The following ACO1 variants were observed in gnomAD, a reference collection of about 807,000 sequenced individuals.
The protein encoded by ACO1 is aconitase 1.
In ACO1, 78 loss-of-function variants were observed where a neutral mutation model predicts 105.1. The ratio of observed to expected loss-of-function variants is 0.74; its 90% CI spans 0.62 to 0.90. The LOEUF (loss-of-function observed/expected upper bound fraction) is 0.90. Ranked by LOEUF, ACO1 falls within the 40% of genes least tolerant of loss-of-function variation. The pLI, the probability that ACO1 is intolerant of heterozygous loss-of-function variation, is 0.00. For missense variants in ACO1, 965 were observed against 1,111.1 expected (o/e 0.87, Z 1.87); for synonymous variants, 364 against 397.4 (o/e 0.92, Z 1.00).
Position 32,422,781 on chromosome 9 carries a change from T to G in ACO1, c.971-538T>G, listed in dbSNP as rs1011283788. 4.6e-5 allele frequency among the ~76,000 whole-genome samples: 7 copies of G among 152,288 alleles called. No individual in the cohort carries two copies. In the East Asian group the frequency reaches 1.2e-3, roughly 25 times the overall value. ...GAGCCGCCATTTCCTTATCCATAAATGAGAATAATAATTGTACTTGTATCT... is the reference window on the plus strand; with the variant it reads ...GAGCCGCCATTTCCTTATCCATAAAGGAGAATAATAATTGTACTTGTATCT... On this transcript the variant is annotated intron_variant, in intron 8 of 20. Transcript: ENST00000309951.
intron 18 of ACO1, among the ~76,000 whole-genome samples, chr9:32,437,764 G>A (rs920634520): frequency 2.6e-5 from 4 of 152,050 alleles, no homozygotes; most frequent in African/African-American, 9.7e-5. Context: ...ATTTTCTGTT[G>A]CTATGAAATA....
chr9:32,398,016 CAAA>C (rs1158398821), intron 1 of ACO1, among the ~76,000 whole-genome samples: 2 of 152,010 alleles, frequency 1.3e-5, no homozygotes, highest in Non-Finnish European at 2.9e-5. Context: ...AACAAACAAA[CAAA>C]AAACAAATTC....
chr9:32,412,661 C>A (rs1821765068), intron 4 of ACO1, among the ~76,000 whole-genome samples: 1 of 152,208 alleles, frequency 6.6e-6, no homozygotes, highest in African/African-American at 2.4e-5. Context: ...CTGAACCTGT[C>A]CTAAGGCAAT....
chr9:32,448,199 T>TACCTGACTGG lies in ACO1; in HGVS notation c.2371-696_2371-687dup, dbSNP rs1822665168. Among the ~76,000 whole-genome samples, 6 of 152,268 alleles carry TACCTGACTGG rather than the reference T, an allele frequency of 3.9e-5. No homozygotes were observed. In the South Asian group the frequency reaches 1.2e-3, roughly 32 times the overall value. The stretch of plus-strand genomic sequence containing the variant: ...GGGAGATGGGGGTGTTATCTATAAG[T>TACCTGACTGG]ACCTGACTGGGGCTGCTGCCTTTTT... On this transcript the variant is annotated intron_variant, in intron 19 of 20. Transcript: ENST00000309951.
At position 32,425,905 on chromosome 9, in the gene ACO1, A is replaced by G. The variant is rs762519258; in HGVS notation, c.1256A>G (p.Asn419Ser). Reference sequence around the variant, plus strand: ...GACCATAAGACCTTTATCTATGATAACACTGAATTCACCCTTGCTCATGGT... The same window carrying G: ...GACCATAAGACCTTTATCTATGATAGCACTGAATTCACCCTTGCTCATGGT... ...HNDHKTFIYD[N>S]TEFTLAHGSV... The change falls in exon 11 of 21, where the codon AAC (asparagine) becomes AGC (serine). Residue 419 changes from asparagine (N) to serine (S), a missense_variant. Coordinates refer to ENST00000309951, the MANE Select transcript of ACO1 (RefSeq NM_002197.3). The G allele has an allele frequency of 1.2e-6, 2 of 1,614,024 alleles. No individual in the cohort carries two copies. Among genetic ancestry groups the G allele is most frequent in the East Asian group, 4.5e-5 (2 of 44,888 alleles).
intron 1 of ACO1, among the ~76,000 whole-genome samples, chr9:32,397,541 A>C (rs988593051): frequency 1.3e-5 from 2 of 152,190 alleles, no homozygotes; most frequent in African/African-American, 4.8e-5. Flanking sequence ...GTTTATGTTC[A>C]CATAGACATC....
chr9:32,395,148 A>G (rs1375910646), intron 1 of ACO1, among the ~76,000 whole-genome samples: 1 of 152,180 alleles, frequency 6.6e-6, no homozygotes, highest in Non-Finnish European at 1.5e-5. Flanking sequence ...TTGAAAGTAC[A>G]GCTGTCTTCA....
intron 4 of ACO1, among the ~76,000 whole-genome samples, chr9:32,416,328 C>A (rs1055932308): frequency 6.6e-6 from 1 of 152,034 alleles, no homozygotes; most frequent in African/African-American, 2.4e-5. Flanking sequence ...CTCCTGACCT[C>A]GTGATCTGCC....
At chr9:32,394,094 A>G (rs1821321362) in intron 1 of ACO1, among the ~76,000 whole-genome samples, 1 of 152,190 alleles carries the variant, frequency 6.6e-6, no homozygotes, top group South Asian at 2.1e-4. Flanking sequence ...TGTACCCTGT[A>G]CTTTATCCAC....
intron 10 of ACO1, 105 bp from the exon 11 acceptor site, chr9:32,425,733 T>C (rs72561738): frequency 1.4e-6 from 1 of 728,468 alleles, no homozygotes; most frequent in Non-Finnish European, 2.0e-6. Flanking sequence ...TTCCTTCTTC[T>C]CAAGTGAGAA....
chr9:32,399,807 ATTT>A (rs56219823), intron 1 of ACO1, among the ~76,000 whole-genome samples: 1 of 148,536 alleles, frequency 6.7e-6, no homozygotes, highest in Non-Finnish European at 1.5e-5. Flanking sequence ...AGGTCTAGTG[ATTT>A]TTTTTTTTTG....
intron 1 of ACO1, 22 bp from the exon 2 acceptor site, chr9:32,405,463 A>G (rs1821589073): frequency 7.0e-7 from 1 of 1,432,512 alleles, no homozygotes; most frequent in African/African-American, 1.4e-5. Flanking sequence ...AAAAGAATTT[A>G]AATGTTCTCT....
intron 1 of ACO1, among the ~76,000 whole-genome samples, chr9:32,388,928 A>G (rs1210243939): frequency 6.6e-6 from 1 of 152,206 alleles, no homozygotes; most frequent in East Asian, 1.9e-4. Flanking sequence ...TCCTCCCCCA[A>G]TTAAAAAAAA....
At position 32,452,977 on chromosome 9, in the gene ACO1, C is replaced by CCCAA. The variant is rs1554664991; in HGVS notation, c.*2866_*2867insCCAA. On this transcript the variant is annotated 3_prime_UTR_variant, in exon 21 of 21. Coordinates refer to ENST00000309951, the MANE Select transcript of ACO1 (RefSeq NM_002197.3). ...AATCAATCACCACCCCCCCCCCCCC[C>CCCAA]AAAAAAAAAAGTATCTTGGCCAGTG... 1 of 91,886 alleles carries CCCAA rather than the reference C, an allele frequency of 1.1e-5. No individual in the cohort carries two copies. Among genetic ancestry groups the CCCAA allele is most frequent in the Non-Finnish European group, 2.1e-5 (1 of 47,338 alleles). The allele number at this position is 91,886 out of a possible 1,614,324, so 5.7% of individuals were successfully genotyped here.
intron 19 of ACO1, among the ~76,000 whole-genome samples, chr9:32,443,156 G>A (rs972301002): frequency 3.3e-5 from 5 of 151,962 alleles, no homozygotes; most frequent in South Asian, 2.1e-4. Flanking sequence ...CAATATAACA[G>A]AAGAAAGCAC....
chr9:32,434,630 A>G lies in ACO1; in HGVS notation c.2028A>G (p.Thr676=). The change falls in exon 17 of 21, where the codon ACA becomes ACG. Residue 676 remains threonine (T), a synonymous_variant. Coordinates refer to ENST00000309951, the MANE Select transcript of ACO1 (RefSeq NM_002197.3). ...YVLLNLGDSV[T]TDHISPAGNI... is the part of the protein sequence containing the mutation. ...TGCTAAATTTGGGAGATTCGGTAAC[A>G]ACTGACCACATCTCCCCAGCTGGAA... 6.2e-7 allele frequency: 1 copy of G among 1,614,136 alleles called. No individual in the cohort carries two copies. The highest frequency in any genetic ancestry group is 8.5e-7 in the Non-Finnish European group (1 of 1,179,986).
At chr9:32,399,274 A>G (rs1821438091) in intron 1 of ACO1, among the ~76,000 whole-genome samples, 1 of 152,190 alleles carries the variant, frequency 6.6e-6, no homozygotes, top group Non-Finnish European at 1.5e-5. Flanking sequence ...AGTGTTACTC[A>G]GTTTGACCTG....
chr9:32,439,587 T>C lies in ACO1; in HGVS notation c.2248-878T>C, dbSNP rs1011704014. Among the ~76,000 whole-genome samples, 5 of 152,244 alleles carry C rather than the reference T, an allele frequency of 3.3e-5. No individual in the cohort carries two copies. The highest frequency in any genetic ancestry group is 7.3e-5 in the Non-Finnish European group (5 of 68,046). The stretch of plus-strand genomic sequence containing the variant: ...TCAGATTCCCTGTGAGAAACAAATC[T>C]GTTTGTATAAGATGTTTCTCATGTA... On this transcript the variant is annotated intron_variant, in intron 18 of 20. Transcript: ENST00000309951. The surrounding 1 kb of genome is among the most constrained non-coding windows in gnomAD (Gnocchi z 4.0).
At chr9:32,434,975 C>T (rs1464341113) in intron 17 of ACO1, among the ~76,000 whole-genome samples, 3 of 152,128 alleles carry the variant, frequency 2.0e-5, no homozygotes, top group Admixed American at 1.3e-4. Flanking sequence ...CATCCCTGCC[C>T]CCGGCTTGGC....
Sources: gnomAD v4.1 joint callset for allele counts (sites outside exome capture counted in the v4.1 genomes callset) on GRCh38, gnomAD v4.1.1 for gene constraint, Gnocchi (gnomAD v3.1) non-coding constraint, MANE v1.5 for transcripts, NCBI Gene and HGNC (gene_info 2026-07-23, HGNC 2026-07-21) for gene names.